SV2A: variants seen among roughly 807,000 people sequenced by gnomAD.
The protein encoded by SV2A is solute carrier family 22 member B1.
SV2A carries 25 observed loss-of-function variants against 78.0 expected under a neutral mutation model. The ratio of observed to expected loss-of-function variants is 0.32; its 90% confidence interval spans 0.23 to 0.45. The LOEUF is 0.45. SV2A is among the 20% of genes least tolerant of loss of function. The pLI is 1.00. For synonymous variants in SV2A, 355 were observed against 384.7 expected (o/e 0.92, Z 0.90); for missense variants, 752 against 971.5 (o/e 0.77, Z 3.00).
chr1:149,913,204 C>CG lies in SV2A; in HGVS notation c.622+14_622+15insC. 1 of 1,609,016 alleles carries CG rather than the reference C, an allele frequency of 6.2e-7. No individual in the cohort carries two copies. The highest frequency in any genetic ancestry group is 8.5e-7 in the Non-Finnish European group (1 of 1,177,708). ...AGAGTTTGAGGGGATAAGGCTGGAG[C>CG]CCCCCATGTCTTACCTAGCATGCCT... On this transcript the variant is annotated intron_variant, in intron 2 of 12. Transcript: ENST00000369146.
rs1194473417 is a variant in SV2A at position 149,910,017 on chromosome 1, C to T, written c.1090-127G>A. On this transcript the variant is annotated intron_variant, in intron 5 of 12. Transcript: ENST00000369146. This position sits in a 1 kb window ranked among gnomAD's most constrained non-coding sequence, Gnocchi z 4.2. Reference sequence around the variant, plus strand: ...AAATGGTTCCCAGCCCTCAACCCCACCACCAAGCCCTGACCTATGGGCATG... The same window carrying T: ...AAATGGTTCCCAGCCCTCAACCCCATCACCAAGCCCTGACCTATGGGCATG... The T allele has an allele frequency of 2.1e-5, 17 of 817,230 alleles. No homozygotes were observed. Among genetic ancestry groups the T allele is most frequent in the Non-Finnish European group, 3.4e-5 (17 of 496,464 alleles). 50.6% of individuals were successfully genotyped at this position (817,230 alleles called of 1,614,324 possible).
rs1224149575 is a variant in SV2A, at chr1:149,910,212, G to C, written c.1090-322C>G. On this transcript the variant is annotated intron_variant, in intron 5 of 12. Transcript: ENST00000369146. This position sits in a 1 kb window ranked among gnomAD's most constrained non-coding sequence, Gnocchi z 4.2. ...AAAAACCAAAGGTAAGGGAAATGAT[G>C]GGCAAGCATGTAGTCAAAGACCTAA... is the stretch of plus-strand genomic sequence containing the variant. Among the ~76,000 whole-genome samples the C allele has an allele frequency of 6.6e-6, 1 of 152,162 alleles. No homozygotes were observed. Among genetic ancestry groups the C allele is most frequent in the Admixed American group, 6.5e-5 (1 of 15,286 alleles).
At chr1:149,916,669 C>G (rs1489044449) in intron 1 of SV2A, among the ~76,000 whole-genome samples, 2 of 152,200 alleles carry the variant, frequency 1.3e-5, no homozygotes, top group African/African-American at 2.4e-5. Context: ...ACCCAGATCC[C>G]CAGGCCTTCC....
chr1:149,906,611 GC>G, intron 11 of SV2A, 38 bp downstream of exon 11: 1 of 1,607,502 alleles, frequency 6.2e-7, no homozygotes, highest in East Asian at 2.2e-5. Flanking sequence ...GCAGCCCCTG[GC>G]CCCTACTATC....
At chr1:149,907,061 C>T (rs2092443229) in intron 10 of SV2A, 6 of 883,912 alleles carry the variant, frequency 6.8e-6, no homozygotes, top group Non-Finnish European at 8.1e-6. Flanking sequence ...ATCTGTCCAA[C>T]AGTGTGACTT....
intron 1 of SV2A, among the ~76,000 whole-genome samples, chr1:149,917,222 TC>T (rs2092520615): frequency 6.6e-6 from 1 of 150,396 alleles, no homozygotes; most frequent in African/African-American, 2.5e-5. Flanking sequence ...CATCTCTGTC[TC>T]CCCAGTATTT....
At position 149,909,176 on chromosome 1, in the gene SV2A, C is replaced by T. The variant is rs782007272; in HGVS notation, c.1379+16G>A. 2 of 1,612,510 alleles carry T rather than the reference C, an allele frequency of 1.2e-6. No individual in the cohort carries two copies. Among genetic ancestry groups the T allele is most frequent in the Non-Finnish European group, 1.7e-6 (2 of 1,178,578 alleles). On this transcript the variant is annotated intron_variant, in intron 8 of 12. Transcript: ENST00000369146. Reference sequence around the variant, plus strand: ...CCACAACCACCACACATCACCCAGCCCACCCATCTCCTCACCTGAATGACA... The same window carrying T: ...CCACAACCACCACACATCACCCAGCTCACCCATCTCCTCACCTGAATGACA...
chr1:149,916,619 C>A (rs1319823889), intron 1 of SV2A, among the ~76,000 whole-genome samples: 2 of 152,232 alleles, frequency 1.3e-5, no homozygotes, highest in African/African-American at 2.4e-5. Context: ...GGGTCCAGAA[C>A]CCCCCACCCT....
At position 149,905,969 on chromosome 1, in the gene SV2A, G is replaced by C. The variant is rs138258149; in HGVS notation, c.1956C>G (p.Ile652Met). The C allele has an allele frequency of 6.2e-7, 1 of 1,614,132 alleles. No individual in the cohort carries two copies. The stretch of plus-strand genomic sequence containing the variant: ...CCCCGCCAAAAAGGCAGAGCAGAGC[G>C]ATCATGGCCGACTCACTGTTCCCAA... The part of the protein sequence containing the change: ...LSFGNSESAM[I>M]ALLCLFGGVS... The change falls in exon 12 of 13, where the codon ATC becomes ATG. Residue 652 changes from isoleucine to methionine, a missense_variant. Around this residue, in one of 7 missense-constraint regions of SV2A, gnomAD observed 186 missense variants for 274.6 expected, o/e 0.68. Coordinates refer to ENST00000369146, the MANE Select transcript of SV2A (RefSeq NM_014849.5).
rs2092471108 is a variant in SV2A, at chr1:149,910,832, G to A, written c.949C>T (p.His317Tyr). The A allele has an allele frequency of 6.2e-7, 1 of 1,613,982 alleles. No individual in the cohort carries two copies. Among genetic ancestry groups the A allele is most frequent in the Admixed American group, 1.7e-5 (1 of 59,994 alleles). Residue 317 changes from histidine (H) to tyrosine (Y), a missense_variant, in exon 4 of 13, where the codon CAC becomes TAC. His to Tyr is a moderately conservative substitution (Grantham distance 83). This residue lies in a region of SV2A where 43 missense variants were observed against 70.8 expected (regional missense o/e 0.61). Transcript: ENST00000369146. This position sits in a 1 kb window ranked among gnomAD's most constrained non-coding sequence, Gnocchi z 4.2. ...ATTTCCGGGGGCTGCTCACCATAGT[G>A]GGGGATGATGGCCCAGGCCATAGCA... ...AAAMAWAIIPHYGWSFQMGSA... is the reference protein window; with the variant it reads ...AAAMAWAIIPYYGWSFQMGSA...
intron 12 of SV2A, 39 bp downstream of exon 12, chr1:149,905,841 C>T: frequency 1.9e-6 from 3 of 1,608,728 alleles, no homozygotes; most frequent in Non-Finnish European, 2.6e-6. Context: ...CCACCCCTCC[C>T]CTGAATCCAC....
intron 12 of SV2A, 67 bp downstream of exon 12, chr1:149,905,813 C>G: frequency 6.3e-7 from 1 of 1,580,480 alleles, no homozygotes; most frequent in Non-Finnish European, 8.7e-7. Flanking sequence ...TCTTCCCATT[C>G]AGCCCTCCTT....
chr1:149,915,243 G>T (rs939240916), intron 1 of SV2A, among the ~76,000 whole-genome samples: 4 of 152,172 alleles, frequency 2.6e-5, no homozygotes, highest in Admixed American at 1.3e-4. Flanking sequence ...TTCCTATGAT[G>T]TTGAAAGTGG....
In SV2A at chr1:149,913,394, G is replaced by A. The variant is rs781978557; in HGVS notation, c.447C>T (p.Ala149=). ...AQRRKEREEL[A]QQYEAILREC... ...CCCGTAGGATGGCTTCATACTGTTG[G>A]GCCAGTTCTTCTCGTTCTTTCCGTC... Residue 149 remains alanine, a synonymous_variant, in exon 2 of 13, where the codon GCC becomes GCT. Coordinates refer to ENST00000369146, the MANE Select transcript of SV2A (RefSeq NM_014849.5). 15 of 1,613,984 alleles carry A rather than the reference G, an allele frequency of 9.3e-6. No individual in the cohort carries two copies. The highest frequency in any genetic ancestry group is 1.3e-5 in the African/African-American group (1 of 74,902).
chr1:149,917,779 G>C lies in SV2A; in HGVS notation c.-388C>G, dbSNP rs1379091816. 6.6e-6 allele frequency: 1 copy of C among 152,352 alleles called. No homozygotes were observed. Among genetic ancestry groups the C allele is most frequent in the Non-Finnish European group, 1.5e-5 (1 of 68,214 alleles). The allele number at this position is 152,352 out of a possible 1,614,324, so 9.4% of individuals were successfully genotyped here. A position where few individuals can be genotyped will look rare whatever the true frequency, so the allele number is the denominator to read the frequency against. On this transcript the variant is annotated 5_prime_UTR_variant, in exon 1 of 13. Coordinates refer to ENST00000369146, the MANE Select transcript of SV2A (RefSeq NM_014849.5). ...CGGGTAAGGAGTCCCGGGCGAGGAC[G>C]GGGGTCCCGGCCGCGGGCGGAGGCG...
rs1430827109 is a variant in SV2A, at chr1:149,903,598, G to A, written c.*1416C>T. 1 of 152,254 alleles carries A rather than the reference G, an allele frequency of 6.6e-6. No homozygotes were observed. Among genetic ancestry groups the A allele is most frequent in the Non-Finnish European group, 1.5e-5 (1 of 68,056 alleles). The allele number at this position is 152,254 out of a possible 1,614,324, so 9.4% of individuals were successfully genotyped here. Reference sequence around the variant, plus strand: ...CACCTGGTACAGTGTTACAAAATGGGGAGAGTGACCACAGGGTTGGGGCAC... The same window carrying A: ...CACCTGGTACAGTGTTACAAAATGGAGAGAGTGACCACAGGGTTGGGGCAC... On this transcript the variant is annotated 3_prime_UTR_variant, in exon 13 of 13. Transcript: ENST00000369146.
Position 149,913,733 on chromosome 1 carries a change from T to C in SV2A, c.108A>G (p.Arg36=), listed in dbSNP as rs144119876. The change falls in exon 2 of 13, where the codon AGA becomes AGG. Residue 36 remains arginine (R), a synonymous_variant. Coordinates refer to ENST00000369146, the MANE Select transcript of SV2A (RefSeq NM_014849.5). ...ATCTTCGGGAATATTCGTCCTGGACTCTGTCCAGGCCCTTCACCACCTTCT... is the reference window on the plus strand; with the variant it reads ...ATCTTCGGGAATATTCGTCCTGGACCCTGTCCAGGCCCTTCACCACCTTCT... The part of the protein sequence containing the change: ...AAKKVVKGLD[R]VQDEYSRRSY... The C allele has an allele frequency of 9.0e-5, 146 of 1,614,002 alleles. 1 individual carries two copies. In the African/African-American group the frequency reaches 1.5e-3, roughly 16 times the overall value.
chr1:149,906,959 G>A, intron 10 of SV2A, 103 bp from the exon 11 acceptor site: 2 of 1,528,908 alleles, frequency 1.3e-6, no homozygotes, highest in South Asian at 2.4e-5. Flanking sequence ...GTTAGTAGGA[G>A]GGGCTCTCAA....
At chr1:149,911,778 G>T in intron 3 of SV2A, 22 bp downstream of exon 3, 1 of 1,611,160 alleles carries the variant, frequency 6.2e-7, no homozygotes, top group African/African-American at 1.3e-5. Context: ...GCCCTCAAGG[G>T]ACTTAGGAAG....
Sources: gnomAD v4.1 joint callset for allele counts (sites outside exome capture counted in the v4.1 genomes callset) on GRCh38, gnomAD v4.1.1 for gene constraint, gnomAD v4.1.1 regional missense constraint, Gnocchi (gnomAD v3.1) non-coding constraint, MANE v1.5 for transcripts, NCBI Gene and HGNC (gene_info 2026-07-23, HGNC 2026-07-21) for gene names.